The following SNX9 variants were observed in gnomAD, a reference collection of about 807,000 sequenced individuals.
The protein encoded by SNX9 is sorting nexin 9.
A neutral mutation model predicts 89.4 loss-of-function variants in SNX9; 44 were observed. The ratio of observed to expected loss-of-function variants is 0.49; its 90% CI spans 0.39 to 0.63. The LOEUF (loss-of-function observed/expected upper bound fraction) is 0.63. SNX9 is among the 30% of genes least tolerant of loss of function. The probability of loss-of-function intolerance (pLI) is 0.00; values close to 1 mark genes in which losing one functional copy is unlikely to be tolerated. For missense variants in SNX9, 578 were observed against 736.1 expected (o/e 0.79, Z 2.49); for synonymous variants, 236 against 247.8 (o/e 0.95, Z 0.45).
chr6:157,892,033 C>CA (rs1782872693), intron 4 of SNX9, among the ~76,000 whole-genome samples: 4 of 148,880 alleles, frequency 2.7e-5, no homozygotes, highest in African/African-American at 1.0e-4. Context: ...TTTAATTACC[C>CA]ATGATGGACA....
At chr6:157,861,184 G>C (rs1389727346) in intron 1 of SNX9, among the ~76,000 whole-genome samples, 1 of 152,084 alleles carries the variant, frequency 6.6e-6, no homozygotes, top group Non-Finnish European at 1.5e-5. Context: ...GTTTGGAAAA[G>C]ATCTTTTGCT....
At chr6:157,927,070 CTG>C in intron 10 of SNX9, 39 bp from the exon 11 acceptor site, 1 of 1,492,184 alleles carries the variant, frequency 6.7e-7, no homozygotes, top group Non-Finnish European at 9.3e-7. Flanking sequence ...ACCAGTTTGA[CTG>C]TGCTCTCCAC....
intron 10 of SNX9, among the ~76,000 whole-genome samples, chr6:157,923,285 G>A (rs1214149437): frequency 6.6e-6 from 1 of 152,110 alleles, no homozygotes; most frequent in Non-Finnish European, 1.5e-5. Context: ...ATGATTCTGT[G>A]GTAAGTAGCA....
chr6:157,890,468 G>A (rs998895861), intron 4 of SNX9, among the ~76,000 whole-genome samples: 2 of 152,194 alleles, frequency 1.3e-5, no homozygotes, highest in African/African-American at 4.8e-5. Context: ...AATTTAGAAC[G>A]TTAAACCAGC....
intron 5 of SNX9, among the ~76,000 whole-genome samples, chr6:157,900,031 A>G (rs139551393): frequency 2.0e-5 from 3 of 152,204 alleles, no homozygotes; most frequent in African/African-American, 7.2e-5. Context: ...TGTACATGAG[A>G]TCTCTAGACT....
intron 1 of SNX9, among the ~76,000 whole-genome samples, chr6:157,833,805 G>C (rs948258731): frequency 6.6e-6 from 1 of 152,144 alleles, no homozygotes; most frequent in Non-Finnish European, 1.5e-5. Flanking sequence ...TTGTTTTGTT[G>C]ATGCATCAGA....
chr6:157,927,051 A>G, intron 10 of SNX9, 60 bp from the exon 11 acceptor site: 2 of 1,349,812 alleles, frequency 1.5e-6, no homozygotes, highest in South Asian at 1.2e-5. Context: ...CTGTTTGGGA[A>G]TTTTGAAGAC....
In SNX9 at chr6:157,909,669, G is replaced by A. The variant is rs1783296637; in HGVS notation, c.710G>A (p.Gly237Glu). The change falls in exon 8 of 18, where the codon GGA (glycine) becomes GAA (glutamate). Residue 237 changes from glycine (G) to glutamate (E), a missense_variant. Coordinates refer to ENST00000392185, the MANE Select transcript of SNX9 (RefSeq NM_016224.5). Reference sequence around the variant, plus strand: ...CTTTCTGGAACATTGGCATAGGTTGGAGATTATGGCCCAATGTGGGTTTAT... The same window carrying A: ...CTTTCTGGAACATTGGCATAGGTTGAAGATTATGGCCCAATGTGGGTTTAT... ...KPKEKIPIIV[G>E]DYGPMWVYPT... The A allele has an allele frequency of 6.2e-7, 1 of 1,613,564 alleles. No individual in the cohort carries two copies. Among genetic ancestry groups the A allele is most frequent in the Non-Finnish European group, 8.5e-7 (1 of 1,179,876 alleles).
chr6:157,861,402 T>C (rs1188491929), intron 1 of SNX9, among the ~76,000 whole-genome samples: 1 of 152,210 alleles, frequency 6.6e-6, no homozygotes. Context: ...GTTTAACAGT[T>C]TGAATAATGA....
chr6:157,841,462 C>T (rs1207000198), intron 1 of SNX9, among the ~76,000 whole-genome samples: 3 of 152,124 alleles, frequency 2.0e-5, no homozygotes, highest in Non-Finnish European at 2.9e-5. Flanking sequence ...GAGATTGAGA[C>T]CTACCTAGAG....
intron 6 of SNX9, among the ~76,000 whole-genome samples, chr6:157,902,946 G>A (rs1265806810): frequency 6.6e-6 from 1 of 151,884 alleles, no homozygotes; most frequent in Non-Finnish European, 1.5e-5. Flanking sequence ...GGGATTACAG[G>A]CTTGAGCCAC....
At chr6:157,860,026 A>G (rs1782086973) in intron 1 of SNX9, among the ~76,000 whole-genome samples, 1 of 152,230 alleles carries the variant, frequency 6.6e-6, no homozygotes, top group Non-Finnish European at 1.5e-5. Flanking sequence ...ATTTGTTTAT[A>G]TATTGTCTGT....
At chr6:157,839,495 T>TACGGG (rs1781651609) in intron 1 of SNX9, among the ~76,000 whole-genome samples, 1 of 152,256 alleles carries the variant, frequency 6.6e-6, no homozygotes, top group African/African-American at 2.4e-5. Context: ...TTTGAAAAGT[T>TACGGG]ACTTACTGCT....
At chr6:157,903,047 A>C (rs1783139371) in intron 6 of SNX9, among the ~76,000 whole-genome samples, 1 of 152,182 alleles carries the variant, frequency 6.6e-6, no homozygotes, top group Non-Finnish European at 1.5e-5. Flanking sequence ...CCACTGTAGG[A>C]TTCTTTGGAG....
chr6:157,823,846 C>T lies in SNX9; in HGVS notation c.12+400C>T, dbSNP rs1583183044. 1.3e-5 allele frequency among the ~76,000 whole-genome samples: 2 copies of T among 151,976 alleles called. No individual in the cohort carries two copies. The highest frequency in any genetic ancestry group is 2.1e-4 in the South Asian group (1 of 4,834). On this transcript the variant is annotated intron_variant, in intron 1 of 17. Coordinates refer to ENST00000392185, the MANE Select transcript of SNX9 (RefSeq NM_016224.5). The surrounding 1 kb of genome is among the most constrained non-coding windows in gnomAD (Gnocchi z 4.6). ...GCGTCCGGCGTCCCCGCCGCCCCCA[C>T]GTCCCCTCCCGCTGCCGCCTGGGGG...
At chr6:157,881,486 G>A (rs1454610066) in intron 4 of SNX9, among the ~76,000 whole-genome samples, 3 of 152,070 alleles carry the variant, frequency 2.0e-5, no homozygotes, top group Non-Finnish European at 4.4e-5. Context: ...TTTAAATCAA[G>A]AGCTAGAAAT....
rs1383146161 is a variant in SNX9 at position 157,826,863 on chromosome 6, T to C, written c.12+3417T>C. Among the ~76,000 whole-genome samples the C allele has an allele frequency of 1.4e-4, 16 of 115,552 alleles. 1 individual carries two copies. Among genetic ancestry groups the C allele is most frequent in the African/African-American group, 6.0e-4 (14 of 23,264 alleles). The allele number at this position is 115,552 out of a possible 152,430, so 75.8% of individuals were successfully genotyped here. ...ATATTATATTTTATATATAAATATA[T>C]ATTATAGTTTATATAATATATAAAT... On this transcript the variant is annotated intron_variant, in intron 1 of 17. Transcript: ENST00000392185.
intron 1 of SNX9, among the ~76,000 whole-genome samples, chr6:157,859,843 G>T (rs1583203563): frequency 6.6e-6 from 1 of 152,194 alleles, no homozygotes; most frequent in African/African-American, 2.4e-5. Flanking sequence ...TTTGTGATAT[G>T]AATTGAAAAT....
intron 2 of SNX9, among the ~76,000 whole-genome samples, chr6:157,871,401 G>C (rs1208746011): frequency 6.6e-6 from 1 of 151,994 alleles, no homozygotes; most frequent in Non-Finnish European, 1.5e-5. Flanking sequence ...AAATCACTGG[G>C]TAGAAAAAGA....
Sources: allele counts gnomAD v4.1 joint callset (sites outside exome capture counted in the v4.1 genomes callset), GRCh38; gene constraint gnomAD v4.1.1; non-coding constraint Gnocchi (gnomAD v3.1); transcripts MANE v1.5; gene names NCBI Gene and HGNC (gene_info 2026-07-23, HGNC 2026-07-21).